FSIP1: variants seen among roughly 807,000 people sequenced by gnomAD.
FSIP1 encodes fibrous sheath interacting protein 1, also known as fibrous sheath-interacting protein 1.
In FSIP1, 65 loss-of-function variants were observed where a neutral mutation model predicts 60.9. The observed-to-expected ratio is 1.07, with a 90% CI of 0.87 to 1.31. FSIP1 has a LOEUF of 1.31. Among genes scored for constraint, FSIP1 ranks in the 40% most tolerant of loss-of-function variants. FSIP1 has a pLI of 0.00. For synonymous variants in FSIP1, 209 were observed against 221.2 expected (o/e 0.94, Z 0.49); for missense variants, 675 against 665.5 (o/e 1.01, Z -0.16).
In FSIP1 at chr15:39,763,990, C is replaced by T. The variant is rs113731118; in HGVS notation, c.466-76G>A. 1.9e-3 allele frequency: 1,483 copies of T among 784,024 alleles called. 6 individuals carry two copies. The highest frequency in any genetic ancestry group is 0.016 in the African/African-American group (907 of 57,362). 48.6% of individuals were successfully genotyped at this position (784,024 alleles called of 1,614,324 possible). A position where few individuals can be genotyped will look rare whatever the true frequency, so the allele number is the denominator to read the frequency against. ...ATCATTGATTTTTTAAACTCCAACA[C>T]GGCTCCCAATCACATACGTACAAAC... On this transcript the variant is annotated intron_variant, in intron 4 of 11. Coordinates refer to ENST00000350221, the MANE Select transcript of FSIP1 (RefSeq NM_152597.5).
chr15:39,739,634 A>T (rs377061239), intron 7 of FSIP1, 31 bp downstream of exon 7: 13 of 1,573,600 alleles, frequency 8.3e-6, no homozygotes, highest in African/African-American at 6.9e-5. Flanking sequence ...TTTAGCCCCA[A>T]ATTCTGGCTT....
At chr15:39,655,457 C>T (rs1171944701) in intron 10 of FSIP1, among the ~76,000 whole-genome samples, 1 of 152,206 alleles carries the variant, frequency 6.6e-6, no homozygotes, top group Non-Finnish European at 1.5e-5. Context: ...ATCACCCAAT[C>T]AATTCTTCTG....
At chr15:39,639,581 G>A (rs926689803) in intron 10 of FSIP1, among the ~76,000 whole-genome samples, 1 of 152,192 alleles carries the variant, frequency 6.6e-6, no homozygotes, top group Non-Finnish European at 1.5e-5. Flanking sequence ...AAGTGAATAT[G>A]CTAGGGTTTC....
At chr15:39,632,220 C>T (rs181071210) in intron 10 of FSIP1, among the ~76,000 whole-genome samples, 7 of 152,264 alleles carry the variant, frequency 4.6e-5, no homozygotes, top group Middle Eastern at 3.4e-3. Context: ...CTCTGTCACC[C>T]AGGCTGGAGT....
At chr15:39,657,369 A>G (rs1893111924) in intron 10 of FSIP1, among the ~76,000 whole-genome samples, 1 of 152,212 alleles carries the variant, frequency 6.6e-6, no homozygotes, top group Non-Finnish European at 1.5e-5. Flanking sequence ...CTGACTTCAC[A>G]CACATCATAT....
In FSIP1 at chr15:39,782,791, G is replaced by A. The variant is rs967917983; in HGVS notation, c.-171C>T. ...GGTAGTGGAAGAAGCCGCCGGTCCA[G>A]ATCCCTCCTGCCTGTGGGACCGCTG... On this transcript the variant is annotated 5_prime_UTR_variant, in exon 1 of 12. Transcript: ENST00000350221. 2 of 152,636 alleles carry A rather than the reference G, an allele frequency of 1.3e-5. No homozygotes were observed. The highest frequency in any genetic ancestry group is 2.9e-5 in the Non-Finnish European group (2 of 68,352). The allele number at this position is 152,636 out of a possible 1,614,324, so 9.5% of individuals were successfully genotyped here.
chr15:39,607,299 T>G (rs1433443357), intron 11 of FSIP1, among the ~76,000 whole-genome samples: 1 of 152,180 alleles, frequency 6.6e-6, no homozygotes, highest in African/African-American at 2.4e-5. Flanking sequence ...GTGAGTACGT[T>G]TATTTTAAAG....
At chr15:39,628,743 A>G (rs1891748500) in intron 10 of FSIP1, among the ~76,000 whole-genome samples, 1 of 152,298 alleles carries the variant, frequency 6.6e-6, no homozygotes, top group South Asian at 2.1e-4. Flanking sequence ...TGACATTTCT[A>G]ACTTTAGATT....
rs532461896 is a variant in FSIP1 at position 39,748,364 on chromosome 15, C to G, written c.560-6464G>C. Among the ~76,000 whole-genome samples the G allele has an allele frequency of 2.6e-5, 4 of 152,268 alleles. No homozygotes were observed. The East Asian group carries it at 7.7e-4, about 29-fold the overall frequency. On this transcript the variant is annotated intron_variant, in intron 5 of 11. Coordinates refer to ENST00000350221, the MANE Select transcript of FSIP1 (RefSeq NM_152597.5). ...TTTGTTCTCCACAGAGAGAAACAGTCCTTCTTTTCAAGTGTCCACGGAGTA... is the reference window on the plus strand; with the variant it reads ...TTTGTTCTCCACAGAGAGAAACAGTGCTTCTTTTCAAGTGTCCACGGAGTA...
chr15:39,678,031 T>C (rs1186855713), intron 10 of FSIP1, among the ~76,000 whole-genome samples: 1 of 151,952 alleles, frequency 6.6e-6, no homozygotes, highest in Non-Finnish European at 1.5e-5. Flanking sequence ...AGTATAATTA[T>C]TGACAAGGAA....
At chr15:39,710,877 C>A (rs895287149) in intron 10 of FSIP1, among the ~76,000 whole-genome samples, 1 of 152,210 alleles carries the variant, frequency 6.6e-6, no homozygotes. Flanking sequence ...GTGCCTGGCT[C>A]ATAGTTGGTA....
At chr15:39,669,793 G>A (rs1893644076) in intron 10 of FSIP1, among the ~76,000 whole-genome samples, 1 of 152,174 alleles carries the variant, frequency 6.6e-6, no homozygotes, top group Admixed American at 6.5e-5. Flanking sequence ...ACACAAAGCT[G>A]GTTCTATAAG....
chr15:39,611,478 A>T (rs920365577), intron 11 of FSIP1, among the ~76,000 whole-genome samples: 2 of 152,232 alleles, frequency 1.3e-5, no homozygotes, highest in African/African-American at 4.8e-5. Context: ...TATAAACCTG[A>T]TGGTAAACAC....
intron 9 of FSIP1, among the ~76,000 whole-genome samples, chr15:39,722,042 G>A (rs556476252): frequency 3.3e-5 from 5 of 152,194 alleles, no homozygotes; most frequent in East Asian, 1.9e-4. Flanking sequence ...GGAGGTGAGC[G>A]GCAGGCCCAA....
intron 10 of FSIP1, among the ~76,000 whole-genome samples, chr15:39,624,708 G>A (rs1416225168): frequency 2.0e-5 from 3 of 152,250 alleles, no homozygotes; most frequent in African/African-American, 4.8e-5. Context: ...AGGCAAGTCC[G>A]GCAGGTAGAC....
chr15:39,659,411 G>A lies in FSIP1; in HGVS notation c.1189-41166C>T, dbSNP rs371264712. On this transcript the variant is annotated intron_variant, in intron 10 of 11. Transcript: ENST00000350221. ...CGAAAAATTAGCCAGGCGTGGTGGC[G>A]GGCGCCTGTAGTCCCAGCTACTCAG... Among the ~76,000 whole-genome samples, 572 of 151,828 alleles carry A rather than the reference G, an allele frequency of 3.8e-3. 4 individuals carry two copies. The highest frequency in any genetic ancestry group is 0.013 in the African/African-American group (540 of 41,422).
intron 5 of FSIP1, 152 bp downstream of exon 5, chr15:39,763,669 A>G (rs1430355336): frequency 7.3e-6 from 4 of 546,666 alleles, no homozygotes; most frequent in African/African-American, 5.8e-5. Flanking sequence ...GTAGTTTCAT[A>G]TAATCCTACC....
intron 11 of FSIP1, among the ~76,000 whole-genome samples, chr15:39,604,230 T>C (rs368336487): frequency 3.1e-4 from 47 of 152,334 alleles, no homozygotes; most frequent in East Asian, 2.1e-3. Flanking sequence ...AGTGCCCGGC[T>C]GAGACTCTAC....
chr15:39,614,177 G>A (rs1595532229), intron 11 of FSIP1, among the ~76,000 whole-genome samples: 1 of 150,728 alleles, frequency 6.6e-6, no homozygotes, highest in African/African-American at 2.5e-5. Flanking sequence ...TATAGAAAAT[G>A]CTAAAGACTC....
Sources: allele counts gnomAD v4.1 joint callset (sites outside exome capture counted in the v4.1 genomes callset), GRCh38; gene constraint gnomAD v4.1.1; transcripts MANE v1.5; gene names NCBI Gene and HGNC (gene_info 2026-07-23, HGNC 2026-07-21).